The following CTNND2 variants were observed in gnomAD, a reference collection of about 807,000 sequenced individuals.
CTNND2 encodes catenin delta 2.
A neutral mutation model predicts 144.4 loss-of-function variants in CTNND2; 22 were observed. That is an observed-to-expected ratio of 0.15 (90% CI 0.11 to 0.22). The LOEUF (loss-of-function observed/expected upper bound fraction) is 0.22. Ranked by LOEUF, CTNND2 falls within the 10% of genes least tolerant of loss-of-function variation. The probability of loss-of-function intolerance (pLI) is 1.00; values close to 1 mark genes in which losing one functional copy is unlikely to be tolerated. For synonymous variants in CTNND2, 751 were observed against 695.6 expected (o/e 1.08, Z -1.25); for missense variants, 1,353 against 1,618.8 (o/e 0.84, Z 2.82).
At chr5:11,095,921 A>T (rs1327321403) in intron 15 of CTNND2, among the ~76,000 whole-genome samples, 1 of 151,478 alleles carries the variant, frequency 6.6e-6, no homozygotes, top group Admixed American at 6.6e-5. Context: ...AATTTGGAAA[A>T]TTTTCAACCA....
At chr5:11,441,821 T>G (rs2149893955) in intron 3 of CTNND2, among the ~76,000 whole-genome samples, 1 of 152,216 alleles carries the variant, frequency 6.6e-6, no homozygotes, top group South Asian at 2.1e-4. Context: ...TAATCATCAG[T>G]TATGTGACTA....
At chr5:11,746,982 G>T (rs1788346576) in intron 1 of CTNND2, among the ~76,000 whole-genome samples, 1 of 152,064 alleles carries the variant, frequency 6.6e-6, no homozygotes, top group Non-Finnish European at 1.5e-5. Context: ...GACTTTGGTT[G>T]ATACATGATA....
chr5:11,283,474 G>A (rs967791534), intron 9 of CTNND2, among the ~76,000 whole-genome samples: 2 of 151,886 alleles, frequency 1.3e-5, no homozygotes, highest in African/African-American at 4.8e-5. Context: ...AGGAGTTTGA[G>A]ACCAGCCTGG....
intron 9 of CTNND2, among the ~76,000 whole-genome samples, chr5:11,320,566 C>T (rs1390501290): frequency 6.6e-6 from 1 of 152,170 alleles, no homozygotes; most frequent in Admixed American, 6.5e-5. Flanking sequence ...CTTACAGTTC[C>T]ACATGGCTGG....
chr5:11,461,076 C>T (rs1175075446), intron 3 of CTNND2, among the ~76,000 whole-genome samples: 2 of 151,908 alleles, frequency 1.3e-5, no homozygotes, highest in East Asian at 3.9e-4. Flanking sequence ...TTCACTTTCC[C>T]CGCTAGTCCT....
chr5:11,551,396 T>C (rs76113297), intron 3 of CTNND2, among the ~76,000 whole-genome samples: 1,534 of 151,624 alleles, frequency 0.01, 30 homozygotes, highest in African/African-American at 0.035. Flanking sequence ...CAACATATTT[T>C]ATCATGTTTT....
intron 1 of CTNND2, among the ~76,000 whole-genome samples, chr5:11,777,983 T>C (rs1015678378): frequency 3.3e-5 from 5 of 152,192 alleles, no homozygotes; most frequent in African/African-American, 9.6e-5. Flanking sequence ...GTCTTAAGCA[T>C]GTACTGTGTG....
At chr5:11,545,612 G>A (rs190858946) in intron 3 of CTNND2, among the ~76,000 whole-genome samples, 19 of 132,004 alleles carry the variant, frequency 1.4e-4, no homozygotes, top group African/African-American at 4.3e-4. Context: ...ACAGTGAGCC[G>A]AGATCACACC....
intron 1 of CTNND2, among the ~76,000 whole-genome samples, chr5:11,800,480 G>T (rs1660440970): frequency 1.3e-5 from 2 of 152,112 alleles, no homozygotes; most frequent in African/African-American, 4.8e-5. Flanking sequence ...CTAATTAGCA[G>T]AATTAATAAA....
intron 2 of CTNND2, among the ~76,000 whole-genome samples, chr5:11,618,072 A>G (rs1397965808): frequency 1.3e-5 from 2 of 151,034 alleles, no homozygotes; most frequent in East Asian, 3.9e-4. Context: ...TGCCTCCTCT[A>G]CCTAACCCTA....
chr5:11,444,318 A>C (rs915632450), intron 3 of CTNND2, among the ~76,000 whole-genome samples: 2 of 152,194 alleles, frequency 1.3e-5, no homozygotes, highest in Non-Finnish European at 2.9e-5. Flanking sequence ...GCTAACAAAA[A>C]CATGAATTAG....
intron 9 of CTNND2, among the ~76,000 whole-genome samples, chr5:11,243,025 T>C (rs1052075465): frequency 6.6e-6 from 1 of 152,226 alleles, no homozygotes; most frequent in African/African-American, 2.4e-5. Context: ...AAGGGATACA[T>C]TTCTCTTAAA....
chr5:11,104,110 A>T (rs560506410), intron 14 of CTNND2, among the ~76,000 whole-genome samples: 1 of 152,238 alleles, frequency 6.6e-6, no homozygotes, highest in Non-Finnish European at 1.5e-5. Flanking sequence ...GGCTGGCTTC[A>T]CCAGCGGAAT....
chr5:11,161,819 T>C (rs1469787099), intron 11 of CTNND2, among the ~76,000 whole-genome samples: 3 of 152,126 alleles, frequency 2.0e-5, no homozygotes, highest in African/African-American at 7.2e-5. Flanking sequence ...TTTTAAAATA[T>C]GGGTGACATA....
chr5:11,130,261 C>CT (rs1389673602), intron 12 of CTNND2, among the ~76,000 whole-genome samples: 1 of 151,752 alleles, frequency 6.6e-6, no homozygotes, highest in Admixed American at 6.6e-5. Context: ...CATACCACAC[C>CT]CCCCCCATCC....
At chr5:11,769,113 C>T (rs1789770187) in intron 1 of CTNND2, among the ~76,000 whole-genome samples, 1 of 152,134 alleles carries the variant, frequency 6.6e-6, no homozygotes, top group Admixed American at 6.5e-5. Flanking sequence ...TTCTAGGCAT[C>T]AGACTCAGAA....
chr5:11,618,955 A>G (rs1349485342), intron 2 of CTNND2, among the ~76,000 whole-genome samples: 2 of 152,232 alleles, frequency 1.3e-5, no homozygotes, highest in Non-Finnish European at 2.9e-5. Flanking sequence ...TTAAAAAATT[A>G]TGCAACTTTG....
chr5:10,989,344 C>T (rs987103057), intron 19 of CTNND2, among the ~76,000 whole-genome samples: 1 of 152,190 alleles, frequency 6.6e-6, no homozygotes, highest in Non-Finnish European at 1.5e-5. Context: ...GGCAGTGCTT[C>T]AGAGCCTTGT....
chr5:11,509,433 C>T (rs890262163), intron 3 of CTNND2, among the ~76,000 whole-genome samples: 4 of 151,712 alleles, frequency 2.6e-5, no homozygotes, highest in African/African-American at 9.7e-5. Flanking sequence ...TTATATTTCC[C>T]ATTTTTCCTA....
Sources: gnomAD v4.1 joint callset for allele counts (sites outside exome capture counted in the v4.1 genomes callset) on GRCh38, gnomAD v4.1.1 for gene constraint, MANE v1.5 for transcripts, NCBI Gene and HGNC (gene_info 2026-07-23, HGNC 2026-07-21) for gene names.